Variants in JAK1 observed in about 807,000 individuals in gnomAD.
The protein encoded by JAK1 is Janus kinase 1, also known as tyrosine-protein kinase JAK1.
A neutral mutation model predicts 136.6 loss-of-function variants in JAK1; 16 were observed. That is an observed-to-expected ratio of 0.12 (90% CI 0.08 to 0.18). The LOEUF (loss-of-function observed/expected upper bound fraction) is 0.18. JAK1 is among the 10% of genes least tolerant of loss of function. The pLI is 1.00. For synonymous variants in JAK1, 492 were observed against 519.5 expected (o/e 0.95, Z 0.72); for missense variants, 859 against 1,450.1 (o/e 0.59, Z 6.62).
At chr1:64,858,747 T>A (rs1374493288) in intron 9 of JAK1, among the ~76,000 whole-genome samples, 2 of 152,204 alleles carry the variant, frequency 1.3e-5, no homozygotes, top group African/African-American at 4.8e-5. Flanking sequence ...AAATGTTATG[T>A]TATGTAAATA....
intron 1 of JAK1, among the ~76,000 whole-genome samples, chr1:64,933,635 T>C (rs375832643): frequency 2.9e-4 from 44 of 152,320 alleles, no homozygotes; most frequent in African/African-American, 1.0e-3. Flanking sequence ...TATGCCCTTC[T>C]CATGCTGTAC....
At chr1:64,980,276 C>T (rs1242852079) in intron 2 of JAK1, among the ~76,000 whole-genome samples, 1 of 152,106 alleles carries the variant, frequency 6.6e-6, no homozygotes, top group Non-Finnish European at 1.5e-5. Flanking sequence ...TCTGGAGGGA[C>T]ACTTCCACCT....
intron 2 of JAK1, among the ~76,000 whole-genome samples, chr1:65,044,105 C>T (rs1647161965): frequency 6.6e-6 from 1 of 152,158 alleles, no homozygotes; most frequent in Non-Finnish European, 1.5e-5. Flanking sequence ...AATCCACCTG[C>T]CTCGGCCTCC....
At chr1:64,874,105 T>C (rs1657244793) in intron 4 of JAK1, among the ~76,000 whole-genome samples, 1 of 152,158 alleles carries the variant, frequency 6.6e-6, no homozygotes, top group South Asian at 2.1e-4. Context: ...TTTATATATA[T>C]TATGTTATTT....
intron 8 of JAK1, among the ~76,000 whole-genome samples, chr1:64,862,699 C>T (rs1028355887): frequency 1.3e-5 from 2 of 152,214 alleles, no homozygotes; most frequent in Non-Finnish European, 1.5e-5. Flanking sequence ...GCATACACCA[C>T]GTTGAAGAGC....
At chr1:65,060,091 C>G (rs1647723066) in intron 1 of JAK1, among the ~76,000 whole-genome samples, 1 of 151,226 alleles carries the variant, frequency 6.6e-6, no homozygotes, top group Admixed American at 6.6e-5. Flanking sequence ...TCTTAGCCAA[C>G]TGTAATACAG....
intron 2 of JAK1, among the ~76,000 whole-genome samples, chr1:65,037,597 C>T (rs1647086314): frequency 6.6e-6 from 1 of 152,168 alleles, no homozygotes; most frequent in Non-Finnish European, 1.5e-5. Flanking sequence ...TGATAATGAG[C>T]TCTCTGCTCT....
At chr1:64,847,810 G>A (rs372985380) in intron 12 of JAK1, 135 bp from the exon 13 acceptor site, 28 of 933,540 alleles carry the variant, frequency 3.0e-5, no homozygotes, top group African/African-American at 6.6e-5. Flanking sequence ...GCCCCAGCTC[G>A]TGGTCCCCAG....
chr1:64,873,270 A>G (rs1048356503), intron 5 of JAK1, 100 bp downstream of exon 5: 49 of 1,407,166 alleles, frequency 3.5e-5, no homozygotes, highest in Non-Finnish European at 4.7e-5. Flanking sequence ...GCCTTAAAGC[A>G]CTCTAGCACC....
chr1:64,839,477 G>A (rs1202508879), intron 20 of JAK1, 126 bp downstream of exon 20: 5 of 800,048 alleles, frequency 6.2e-6, no homozygotes, highest in Non-Finnish European at 8.0e-6. Flanking sequence ...TTGAGAGTGT[G>A]TGGGAACCAC....
At chr1:64,954,924 T>G (rs1646156064) in intron 1 of JAK1, among the ~76,000 whole-genome samples, 1 of 152,192 alleles carries the variant, frequency 6.6e-6, no homozygotes, top group Admixed American at 6.5e-5. Flanking sequence ...ACACATCAAT[T>G]TTTTTCTCTG....
chr1:64,833,435 T>G lies in JAK1; in HGVS notation c.*1127A>C. On this transcript the variant is annotated 3_prime_UTR_variant, in exon 25 of 25. Coordinates refer to ENST00000342505, the MANE Select transcript of JAK1 (RefSeq NM_002227.4). ...AATACTAAACAGCATAACAAAAAGA[T>G]TTTCAGACTCTTGGTCATAAAGACC... The G allele has an allele frequency of 4.3e-6, 1 of 232,896 alleles. No homozygotes were observed. The highest frequency in any genetic ancestry group is 8.5e-6 in the Non-Finnish European group (1 of 117,604). 14.4% of individuals were successfully genotyped at this position (232,896 alleles called of 1,614,324 possible).
chr1:64,982,987 T>C (rs1341427701), intron 2 of JAK1, among the ~76,000 whole-genome samples: 1 of 152,148 alleles, frequency 6.6e-6, no homozygotes, highest in Non-Finnish European at 1.5e-5. Flanking sequence ...CCCACTGCTA[T>C]GTGCATTTTT....
rs1298247598 is a variant in JAK1 at position 65,035,843 on chromosome 1, C to T, written c.-78+8637G>A. Among the ~76,000 whole-genome samples, 5 of 152,132 alleles carry T rather than the reference C, an allele frequency of 3.3e-5. No individual in the cohort carries two copies. In the East Asian group the frequency reaches 7.7e-4, roughly 24 times the overall value. On this transcript the variant is annotated intron_variant, in intron 2 of 25. Transcript: ENST00000671954. The stretch of plus-strand genomic sequence containing the variant: ...CAGCACTTTGGGAGGCCGAGGCGGG[C>T]GGATCATGAGGTCACAAGCTCGAGA...
chr1:64,957,384 C>T (rs1569729063), intron 1 of JAK1, among the ~76,000 whole-genome samples: 2 of 152,240 alleles, frequency 1.3e-5, no homozygotes, highest in Non-Finnish European at 2.9e-5. Flanking sequence ...CCAGCCTCCA[C>T]CTTTGTTCTC....
At chr1:64,957,238 T>C (rs551398600) in intron 1 of JAK1, among the ~76,000 whole-genome samples, 1 of 152,268 alleles carries the variant, frequency 6.6e-6, no homozygotes, top group African/African-American at 2.4e-5. Flanking sequence ...GATGGGATCC[T>C]TCCGTTTTTT....
intron 1 of JAK1, among the ~76,000 whole-genome samples, chr1:64,936,846 T>C (rs1450746089): frequency 1.3e-5 from 2 of 152,108 alleles, no homozygotes; most frequent in African/African-American, 4.8e-5. Context: ...GAATTTCCAA[T>C]GTGACAGCAG....
At chr1:65,025,425 C>T (rs888258726) in intron 2 of JAK1, among the ~76,000 whole-genome samples, 10 of 152,252 alleles carry the variant, frequency 6.6e-5, no homozygotes, top group East Asian at 1.9e-4. Flanking sequence ...TTCCCAACCA[C>T]GGCCTCACTA....
intron 2 of JAK1, among the ~76,000 whole-genome samples, chr1:65,007,784 C>T (rs941677260): frequency 4.1e-5 from 6 of 147,688 alleles, no homozygotes; most frequent in South Asian, 2.1e-4. Flanking sequence ...TTTGCTCTGT[C>T]GTCCAGGCTG....
Sources: allele counts gnomAD v4.1 joint callset (sites outside exome capture counted in the v4.1 genomes callset), GRCh38; gene constraint gnomAD v4.1.1; transcripts MANE v1.5; gene names NCBI Gene and HGNC (gene_info 2026-07-23, HGNC 2026-07-21).